The following DLG2 variants were observed in gnomAD, a reference collection of about 807,000 sequenced individuals.
DLG2 encodes discs large MAGUK scaffold protein 2.
Under a neutral mutation model 132.5 loss-of-function variants are expected in DLG2, and 45 were observed. That is an observed-to-expected ratio of 0.34 (90% CI 0.27 to 0.44). The LOEUF is 0.44. DLG2 is among the 20% of genes least tolerant of loss of function. DLG2 has a pLI of 1.00. For synonymous variants in DLG2, 424 were observed against 419.6 expected (o/e 1.01, Z -0.13); for missense variants, 1,045 against 1,196.9 (o/e 0.87, Z 1.87).
At chr11:85,043,988 A>G (rs542147743) in intron 6 of DLG2, among the ~76,000 whole-genome samples, 6 of 152,074 alleles carry the variant, frequency 3.9e-5, no homozygotes, top group African/African-American at 1.4e-4. Flanking sequence ...AACTTTAATA[A>G]ACACTGGCCA....
chr11:84,335,507 C>G (rs1031315662), intron 7 of DLG2, among the ~76,000 whole-genome samples: 1 of 152,170 alleles, frequency 6.6e-6, no homozygotes, highest in Non-Finnish European at 1.5e-5. Context: ...GATCAGACAT[C>G]AAAACTGAGG....
intron 18 of DLG2, among the ~76,000 whole-genome samples, chr11:83,763,968 A>G (rs1340580091): frequency 6.6e-6 from 1 of 152,200 alleles, no homozygotes; most frequent in Non-Finnish European, 1.5e-5. Context: ...CATTGCACCT[A>G]ATTTAGACCA....
chr11:84,338,069 A>G (rs1428779664), intron 7 of DLG2, among the ~76,000 whole-genome samples: 2 of 152,194 alleles, frequency 1.3e-5, no homozygotes, highest in Non-Finnish European at 2.9e-5. Flanking sequence ...AATGCTTAGC[A>G]TACAACTTGG....
chr11:83,630,288 C>T (rs567467431), intron 19 of DLG2, among the ~76,000 whole-genome samples: 2 of 152,240 alleles, frequency 1.3e-5, no homozygotes, highest in South Asian at 2.1e-4. Flanking sequence ...GGTACATTCT[C>T]TCTGACACCA....
intron 18 of DLG2, among the ~76,000 whole-genome samples, chr11:83,719,734 TACA>T (rs1435631693): frequency 1.3e-5 from 2 of 152,130 alleles, no homozygotes; most frequent in East Asian, 3.9e-4. Flanking sequence ...GGGAGAAAAT[TACA>T]ACGAGAAGTT....
At chr11:85,017,877 G>A (rs1291847905) in intron 6 of DLG2, among the ~76,000 whole-genome samples, 2 of 152,108 alleles carry the variant, frequency 1.3e-5, no homozygotes, top group African/African-American at 4.8e-5. Flanking sequence ...ACCAAAAGAT[G>A]TCCAAGACAC....
chr11:85,250,794 C>T (rs2076360252), intron 4 of DLG2, among the ~76,000 whole-genome samples: 2 of 152,266 alleles, frequency 1.3e-5, no homozygotes, highest in Admixed American at 1.3e-4. Context: ...TAGACAAGCT[C>T]TCTCCAAGCC....
intron 7 of DLG2, among the ~76,000 whole-genome samples, chr11:84,345,373 T>C (rs1222082574): frequency 6.6e-6 from 1 of 152,204 alleles, no homozygotes; most frequent in Non-Finnish European, 1.5e-5. Flanking sequence ...TAACAAAGCA[T>C]ATTCAAGGCT....
chr11:84,688,273 C>T (rs529266160), intron 6 of DLG2, among the ~76,000 whole-genome samples: 1 of 152,282 alleles, frequency 6.6e-6, no homozygotes, highest in South Asian at 2.1e-4. Context: ...CTTCACCATA[C>T]AGCAGTGTTA....
intron 7 of DLG2, among the ~76,000 whole-genome samples, chr11:84,361,727 A>G (rs1310969280): frequency 1.3e-5 from 2 of 152,044 alleles, no homozygotes; most frequent in Non-Finnish European, 2.9e-5. Context: ...CAAAAATGAT[A>G]GTAATCTATT....
chr11:83,892,720 T>C (rs917917108), intron 15 of DLG2, among the ~76,000 whole-genome samples: 1 of 151,622 alleles, frequency 6.6e-6, no homozygotes, highest in Non-Finnish European at 1.5e-5. Context: ...AACTCACCTC[T>C]AGAGGCCAAA....
chr11:85,184,183 T>C (rs182765965), intron 4 of DLG2, among the ~76,000 whole-genome samples: 63 of 152,012 alleles, frequency 4.1e-4, no homozygotes, highest in African/African-American at 1.5e-3. Context: ...GCATGATCAA[T>C]TTTAAGAGAT....
At chr11:85,009,941 C>T (rs543268265) in intron 6 of DLG2, among the ~76,000 whole-genome samples, 1 of 152,176 alleles carries the variant, frequency 6.6e-6, no homozygotes, top group African/African-American at 2.4e-5. Flanking sequence ...TGAAGACATC[C>T]TTTGTACACA....
chr11:84,260,694 G>C (rs2097538805), intron 7 of DLG2, among the ~76,000 whole-genome samples: 1 of 152,130 alleles, frequency 6.6e-6, no homozygotes, highest in South Asian at 2.1e-4. Flanking sequence ...TGTCTATAGA[G>C]AAGTAAACAG....
chr11:83,498,454 C>A (rs1191623647), intron 21 of DLG2, among the ~76,000 whole-genome samples: 5 of 151,740 alleles, frequency 3.3e-5, no homozygotes, highest in Non-Finnish European at 7.4e-5. Flanking sequence ...CCTAACTAAC[C>A]AATGGATCAA....
Position 83,466,694 on chromosome 11 carries a change from T to G in DLG2, c.2729+14A>C. On this transcript the variant is annotated intron_variant, in intron 26 of 27. Coordinates refer to ENST00000376104, the MANE Select transcript of DLG2 (RefSeq NM_001142699.3). ...GAGTCAGTTGGATGAAGGCCTCCAA[T>G]GCCCTCTACTCACATAAGAGGTTCC... 1 of 1,491,358 alleles carries G rather than the reference T, an allele frequency of 6.7e-7. No individual in the cohort carries two copies. Among genetic ancestry groups the G allele is most frequent in the Non-Finnish European group, 9.4e-7 (1 of 1,068,148 alleles). 92.4% of individuals were successfully genotyped at this position (1,491,358 alleles called of 1,614,324 possible). A position where few individuals can be genotyped will look rare whatever the true frequency, so the allele number is the denominator to read the frequency against.
intron 6 of DLG2, among the ~76,000 whole-genome samples, chr11:84,634,385 AT>A (rs1201550115): frequency 6.6e-6 from 1 of 152,202 alleles, no homozygotes; most frequent in Non-Finnish European, 1.5e-5. Context: ...CATGCTAAAG[AT>A]TTCTTCATTT....
chr11:83,595,573 G>C (rs913673638), intron 19 of DLG2, among the ~76,000 whole-genome samples: 2 of 152,214 alleles, frequency 1.3e-5, no homozygotes, highest in African/African-American at 2.4e-5. Flanking sequence ...CTGATTTGCT[G>C]TAGGACTTCT....
At chr11:83,689,573 G>A (rs767471694) in intron 18 of DLG2, among the ~76,000 whole-genome samples, 6 of 151,752 alleles carry the variant, frequency 4.0e-5, no homozygotes, top group Non-Finnish European at 7.4e-5. Context: ...TATCAAATGA[G>A]GATAATATTA....
Sources: allele counts gnomAD v4.1 joint callset (sites outside exome capture counted in the v4.1 genomes callset), GRCh38; gene constraint gnomAD v4.1.1; transcripts MANE v1.5; gene names NCBI Gene and HGNC (gene_info 2026-07-23, HGNC 2026-07-21).